CCSER1: variants seen among roughly 807,000 people sequenced by gnomAD.
CCSER1 encodes coiled-coil serine rich protein 1.
CCSER1 carries 41 observed loss-of-function variants against 82.0 expected under a neutral mutation model. The observed-to-expected ratio is 0.50, with a 90% CI of 0.39 to 0.65. The LOEUF (loss-of-function observed/expected upper bound fraction) is 0.65. CCSER1 is among the 30% of genes least tolerant of loss of function. CCSER1 has a pLI of 0.00. For missense variants in CCSER1, 1,119 were observed against 1,064.2 expected, an observed-to-expected ratio of 1.05 and a Z score of -0.72; for synonymous variants, 414 against 383.9, an observed-to-expected ratio of 1.08 and a Z score of -0.92.
chr4:91,014,974 T>C (rs548361885), intron 9 of CCSER1, among the ~76,000 whole-genome samples: 3 of 111,870 alleles, frequency 2.7e-5, no homozygotes, highest in Non-Finnish European at 6.9e-5. Flanking sequence ...TAAATTACTC[T>C]TCAAAATTGT....
At chr4:90,909,144 T>C (rs1324549408) in intron 8 of CCSER1, among the ~76,000 whole-genome samples, 1 of 152,184 alleles carries the variant, frequency 6.6e-6, no homozygotes, top group Non-Finnish European at 1.5e-5. Flanking sequence ...TCTACCTCTG[T>C]CTTCACATGA....
chr4:90,230,977 A>G (rs1036735090), intron 1 of CCSER1, among the ~76,000 whole-genome samples: 2 of 151,902 alleles, frequency 1.3e-5, no homozygotes, highest in African/African-American at 4.8e-5. Context: ...GTGGCAATAA[A>G]CAATACCTTA....
intron 10 of CCSER1, among the ~76,000 whole-genome samples, chr4:91,131,527 T>C (rs1471386432): frequency 6.6e-6 from 1 of 152,090 alleles, no homozygotes; most frequent in Non-Finnish European, 1.5e-5. Flanking sequence ...AGGAGACACA[T>C]ACTGCATTAT....
chr4:90,147,025 T>C (rs910978194), intron 1 of CCSER1, among the ~76,000 whole-genome samples: 9 of 152,148 alleles, frequency 5.9e-5, no homozygotes, highest in Non-Finnish European at 8.8e-5. Flanking sequence ...TTGATTATTT[T>C]ATTTATTTAT....
intron 5 of CCSER1, among the ~76,000 whole-genome samples, chr4:90,591,434 A>C (rs1782679946): frequency 6.6e-6 from 1 of 152,194 alleles, no homozygotes; most frequent in South Asian, 2.1e-4. Context: ...ATATGAAAAA[A>C]AGCTCACCAT....
chr4:90,452,037 C>A (rs970492422), intron 4 of CCSER1, among the ~76,000 whole-genome samples: 1 of 151,980 alleles, frequency 6.6e-6, no homozygotes. Context: ...ATTCAAGTGC[C>A]CTCATGAGGG....
intron 1 of CCSER1, among the ~76,000 whole-genome samples, chr4:90,281,839 T>C (rs1237361052): frequency 6.6e-6 from 1 of 152,062 alleles, no homozygotes; most frequent in African/African-American, 2.4e-5. Flanking sequence ...TGAGCAAAAT[T>C]GTGTTAACTA....
At chr4:90,797,438 C>T (rs1294561619) in intron 7 of CCSER1, among the ~76,000 whole-genome samples, 2 of 152,108 alleles carry the variant, frequency 1.3e-5, no homozygotes, top group African/African-American at 4.8e-5. Flanking sequence ...ATCCAGCTTG[C>T]CACTCGGTGC....
intron 7 of CCSER1, chr4:90,781,717 GT>G: frequency 1.0e-6 from 1 of 968,960 alleles, no homozygotes; most frequent in Non-Finnish European, 1.2e-6. Flanking sequence ...AATTTTCCCA[GT>G]TTTATATAGC....
At chr4:90,923,656 A>G (rs1199669208) in intron 9 of CCSER1, 4 of 429,480 alleles carry the variant, frequency 9.3e-6, no homozygotes, top group African/African-American at 4.0e-5. Flanking sequence ...ATGCCTTATT[A>G]ATTTTTTTAC....
In CCSER1 at chr4:90,696,238, C is replaced by T. The variant is rs561199075; in HGVS notation, c.1933-27676C>T. Among the ~76,000 whole-genome samples the T allele has an allele frequency of 5.3e-5, 8 of 152,058 alleles. 1 individual carries two copies. The highest frequency in any genetic ancestry group is 1.2e-4 in the Non-Finnish European group (8 of 67,984). ...TGTTTTGTGGCTGAATTTATTTACA[C>T]CCACATTAACTGATTAGCTCCTGCC... On this transcript the variant is annotated intron_variant, in intron 6 of 10. Coordinates refer to ENST00000509176, the MANE Select transcript of CCSER1 (RefSeq NM_001145065.2).
At chr4:91,435,440 C>CAAA (rs5860233) in intron 10 of CCSER1, among the ~76,000 whole-genome samples, 10 of 144,930 alleles carry the variant, frequency 6.9e-5, no homozygotes, top group Non-Finnish European at 9.1e-5. Flanking sequence ...GACCCTGTCT[C>CAAA]AAAAAAAAAA....
intron 1 of CCSER1, among the ~76,000 whole-genome samples, chr4:90,301,337 T>C (rs1053830823): frequency 2.0e-5 from 3 of 152,148 alleles, no homozygotes; most frequent in African/African-American, 7.2e-5. Flanking sequence ...TTCAGGGTAA[T>C]GATTGTGTTT....
intron 9 of CCSER1, among the ~76,000 whole-genome samples, chr4:91,062,975 G>A (rs908426554): frequency 3.3e-5 from 5 of 151,974 alleles, no homozygotes; most frequent in African/African-American, 1.2e-4. Flanking sequence ...TGATTTATTT[G>A]AGCACAGTTT....
At chr4:90,581,225 A>G (rs1489791892) in intron 5 of CCSER1, among the ~76,000 whole-genome samples, 2 of 152,172 alleles carry the variant, frequency 1.3e-5, no homozygotes, top group South Asian at 2.1e-4. Flanking sequence ...TTACAATACT[A>G]TATGTGAATG....
intron 7 of CCSER1, among the ~76,000 whole-genome samples, chr4:90,784,669 A>G (rs1291311488): frequency 6.6e-6 from 1 of 152,202 alleles, no homozygotes; most frequent in Non-Finnish European, 1.5e-5. Context: ...CCCTTGAACA[A>G]CAAGGGAGAT....
intron 10 of CCSER1, among the ~76,000 whole-genome samples, chr4:91,087,830 C>G (rs530522119): frequency 6.6e-6 from 1 of 152,228 alleles, no homozygotes; most frequent in Non-Finnish European, 1.5e-5. Context: ...AAGCATATTT[C>G]TATTCAATGT....
At chr4:90,661,550 A>G (rs1277902068) in intron 6 of CCSER1, among the ~76,000 whole-genome samples, 1 of 152,232 alleles carries the variant, frequency 6.6e-6, no homozygotes, top group Non-Finnish European at 1.5e-5. Context: ...GAAGCGCAAT[A>G]TGCAGCGAAA....
At chr4:90,829,476 A>G (rs1011469107) in intron 8 of CCSER1, among the ~76,000 whole-genome samples, 2 of 152,174 alleles carry the variant, frequency 1.3e-5, no homozygotes, top group African/African-American at 4.8e-5. Context: ...CATAACCTAT[A>G]TTGATGAAAG....
Sources: gnomAD v4.1 joint callset for allele counts (sites outside exome capture counted in the v4.1 genomes callset) on GRCh38, gnomAD v4.1.1 for gene constraint, MANE v1.5 for transcripts, NCBI Gene and HGNC (gene_info 2026-07-23, HGNC 2026-07-21) for gene names.